Variants in PDLIM5 observed in about 807,000 individuals in gnomAD.
The protein encoded by PDLIM5 is PDZ and LIM domain protein 5.
A neutral mutation model predicts 64.2 loss-of-function variants in PDLIM5; 34 were observed. The observed-to-expected ratio is 0.53, with a 90% CI of 0.40 to 0.71. The LOEUF (loss-of-function observed/expected upper bound fraction) is 0.71. PDLIM5 is among the 30% of genes least tolerant of loss of function. The probability of loss-of-function intolerance (pLI) is 0.00; values close to 1 mark genes in which losing one functional copy is unlikely to be tolerated. For synonymous variants in PDLIM5, 253 were observed against 269.1 expected (o/e 0.94, Z 0.59); for missense variants, 683 against 733.6 (o/e 0.93, Z 0.80).
intron 7 of PDLIM5, among the ~76,000 whole-genome samples, chr4:94,611,412 A>C (rs1738354996): frequency 6.6e-6 from 1 of 152,198 alleles, no homozygotes; most frequent in African/African-American, 2.4e-5. Context: ...ACCTTTTGTG[A>C]CATCTTTCCT....
At chr4:94,607,501 A>G (rs546082659) in intron 7 of PDLIM5, among the ~76,000 whole-genome samples, 1 of 152,348 alleles carries the variant, frequency 6.6e-6, no homozygotes, top group African/African-American at 2.4e-5. Context: ...CATCTGTTGT[A>G]TGAGCAGATA....
chr4:94,506,950 G>A lies in PDLIM5; in HGVS notation c.97-16774G>A, dbSNP rs114883321. On this transcript the variant is annotated intron_variant, in intron 2 of 12. Transcript: ENST00000317968. ...CTTCTGGCTTTCATCTTTCTCCCAC[G>A]CTGGATGCTTCCTTCTGTTCCTCCT... is the stretch of plus-strand genomic sequence containing the variant. Among the ~76,000 whole-genome samples, 730 of 152,234 alleles carry A rather than the reference G, an allele frequency of 4.8e-3. 4 individuals are homozygous for A. Among genetic ancestry groups the A allele is most frequent in the African/African-American group, 0.016 (682 of 41,530 alleles).
chr4:94,659,214 C>G (rs1303847667), intron 11 of PDLIM5, among the ~76,000 whole-genome samples: 1 of 152,192 alleles, frequency 6.6e-6, no homozygotes, highest in Non-Finnish European at 1.5e-5. Flanking sequence ...CCATCGTCCA[C>G]TATCCAAAAA....
chr4:94,605,919 C>T (rs948565988), intron 7 of PDLIM5, among the ~76,000 whole-genome samples: 1 of 150,244 alleles, frequency 6.7e-6, no homozygotes, highest in African/African-American at 2.4e-5. Flanking sequence ...TAATTTATAA[C>T]CATATTTTCT....
chr4:94,547,246 A>G (rs1298560110), intron 3 of PDLIM5, among the ~76,000 whole-genome samples: 1 of 152,134 alleles, frequency 6.6e-6, no homozygotes, highest in African/African-American at 2.4e-5. Context: ...TGGAGGTTAC[A>G]GGTCTGAAAT....
chr4:94,528,195 G>A (rs1004136732), intron 3 of PDLIM5, among the ~76,000 whole-genome samples: 11 of 152,080 alleles, frequency 7.2e-5, no homozygotes, highest in African/African-American at 2.4e-4. Context: ...CCCACCACCT[G>A]TTCACTGCCA....
chr4:94,518,206 A>G (rs1578293314), intron 2 of PDLIM5, among the ~76,000 whole-genome samples: 1 of 152,266 alleles, frequency 6.6e-6, no homozygotes, highest in East Asian at 1.9e-4. Context: ...ATTTAAAATG[A>G]TATCTGCCAT....
intron 2 of PDLIM5, among the ~76,000 whole-genome samples, chr4:94,459,988 T>A (rs747128256): frequency 5.9e-5 from 9 of 152,204 alleles, no homozygotes; most frequent in Non-Finnish European, 1.2e-4. Context: ...CAAGCTGAAA[T>A]GAGAGAGCCA....
chr4:94,588,498 G>A (rs1221629168), intron 7 of PDLIM5, among the ~76,000 whole-genome samples: 1 of 152,046 alleles, frequency 6.6e-6, no homozygotes, highest in Non-Finnish European at 1.5e-5. Context: ...GGGAGGCGAA[G>A]GTTGCGGTGA....
intron 2 of PDLIM5, among the ~76,000 whole-genome samples, chr4:94,466,533 AT>A (rs1403254755): frequency 6.6e-6 from 1 of 152,140 alleles, no homozygotes; most frequent in African/African-American, 2.4e-5. Context: ...TTGTATACTT[AT>A]GTTTGGGAAC....
At chr4:94,588,749 C>T (rs1736448118) in intron 7 of PDLIM5, among the ~76,000 whole-genome samples, 1 of 152,110 alleles carries the variant, frequency 6.6e-6, no homozygotes, top group South Asian at 2.1e-4. Flanking sequence ...ACCTTGCCTA[C>T]ATTCAAGGGT....
At chr4:94,478,648 T>A (rs1358684159) in intron 2 of PDLIM5, among the ~76,000 whole-genome samples, 1 of 152,140 alleles carries the variant, frequency 6.6e-6, no homozygotes, top group Non-Finnish European at 1.5e-5. Context: ...GATACCAAGT[T>A]AGGCACGTAA....
chr4:94,459,407 A>C (rs576034046), intron 2 of PDLIM5, among the ~76,000 whole-genome samples: 27 of 152,232 alleles, frequency 1.8e-4, no homozygotes, highest in Non-Finnish European at 3.7e-4. Context: ...GGGAGGATAA[A>C]TTGTTATAAG....
At chr4:94,545,418 G>T (rs1305948771) in intron 3 of PDLIM5, among the ~76,000 whole-genome samples, 1 of 152,022 alleles carries the variant, frequency 6.6e-6, no homozygotes, top group African/African-American at 2.4e-5. Flanking sequence ...TGGTTTCATT[G>T]TTTGTGTATG....
Position 94,599,694 on chromosome 4 carries a change from A to G in PDLIM5, c.920+13250A>G, listed in dbSNP as rs1578446880. ...GAAATAATCATGAGAGATTGTTGGAATGGGGTGAAGAGGAAGGCAGTCAGG... is the reference window on the plus strand; with the variant it reads ...GAAATAATCATGAGAGATTGTTGGAGTGGGGTGAAGAGGAAGGCAGTCAGG... On this transcript the variant is annotated intron_variant, in intron 7 of 12. Transcript: ENST00000317968. 4.6e-5 allele frequency among the ~76,000 whole-genome samples: 7 copies of G among 152,178 alleles called. 2 individuals carry two copies. The Middle Eastern group carries it at 0.024, about 518-fold the overall frequency.
intron 3 of PDLIM5, 52 bp downstream of exon 3, chr4:94,523,927 G>C: frequency 7.2e-7 from 1 of 1,386,462 alleles, no homozygotes; most frequent in Non-Finnish European, 1.0e-6. Flanking sequence ...TGAGGAATGT[G>C]TTTTTGTGTG....
At chr4:94,625,517 A>G (rs1412389144) in intron 8 of PDLIM5, among the ~76,000 whole-genome samples, 1 of 148,628 alleles carries the variant, frequency 6.7e-6, no homozygotes, top group East Asian at 2.0e-4. Flanking sequence ...CAGTGGCGCT[A>G]TTTAGGCTCA....
chr4:94,527,565 G>A (rs1366416349), intron 3 of PDLIM5, among the ~76,000 whole-genome samples: 1 of 152,204 alleles, frequency 6.6e-6, no homozygotes. Flanking sequence ...AGTCTGAGAT[G>A]GGGATTCTTG....
chr4:94,462,596 C>T (rs753115170), intron 2 of PDLIM5, among the ~76,000 whole-genome samples: 1 of 151,758 alleles, frequency 6.6e-6, no homozygotes, highest in East Asian at 1.9e-4. Flanking sequence ...TTTTTCTAGT[C>T]TTTTGCTTTT....
Sources: gnomAD v4.1 joint callset for allele counts (sites outside exome capture counted in the v4.1 genomes callset) on GRCh38, gnomAD v4.1.1 for gene constraint, MANE v1.5 for transcripts, NCBI Gene and HGNC (gene_info 2026-07-23, HGNC 2026-07-21) for gene names.